The following MAML2 variants were observed in gnomAD, a reference collection of about 807,000 sequenced individuals.
The protein encoded by MAML2 is mastermind-like protein 2.
Under a neutral mutation model 96.1 loss-of-function variants are expected in MAML2, and 22 were observed. The observed-to-expected ratio is 0.23, with a 90% CI of 0.16 to 0.33. The LOEUF (loss-of-function observed/expected upper bound fraction) is 0.33, where lower values mean the gene tolerates loss of function less well. MAML2 is among the 10% of genes least tolerant of loss of function. MAML2 has a pLI of 1.00. For missense variants in MAML2, 1,367 were observed against 1,392.4 expected, an observed-to-expected ratio of 0.98 and a Z score of 0.29; for synonymous variants, 561 against 521.3, an observed-to-expected ratio of 1.08 and a Z score of -1.04.
intron 1 of MAML2, among the ~76,000 whole-genome samples, chr11:96,183,026 C>T (rs912809236): frequency 4.1e-5 from 6 of 146,488 alleles, no homozygotes; most frequent in Non-Finnish European, 7.4e-5. Context: ...GGCATGATCT[C>T]AGCTCACTGC....
chr11:95,999,818 T>C (rs1011598676), intron 2 of MAML2, among the ~76,000 whole-genome samples: 3 of 152,130 alleles, frequency 2.0e-5, no homozygotes, highest in African/African-American at 7.2e-5. Flanking sequence ...CAAGATAAAA[T>C]ACCCAGCTGG....
At chr11:96,340,297 G>A (rs536868798) in intron 1 of MAML2, among the ~76,000 whole-genome samples, 4 of 152,208 alleles carry the variant, frequency 2.6e-5, no homozygotes, top group African/African-American at 4.8e-5. Flanking sequence ...ATTTCCTGTC[G>A]CTTTTGCTAG....
intron 1 of MAML2, among the ~76,000 whole-genome samples, chr11:96,230,706 A>C (rs1041928486): frequency 2.0e-5 from 3 of 152,218 alleles, no homozygotes; most frequent in Non-Finnish European, 4.4e-5. Flanking sequence ...ATAGAGTCCC[A>C]ACGTTCTCTG....
intron 1 of MAML2, among the ~76,000 whole-genome samples, chr11:96,111,167 ACAT>A (rs1194833152): frequency 1.3e-5 from 2 of 152,226 alleles, no homozygotes; most frequent in African/African-American, 2.4e-5. Flanking sequence ...TAGTAAGCAC[ACAT>A]CATTTTATTT....
chr11:96,150,033 A>G (rs1860894955), intron 1 of MAML2, among the ~76,000 whole-genome samples: 1 of 152,216 alleles, frequency 6.6e-6, no homozygotes, highest in South Asian at 2.1e-4. Flanking sequence ...TACTTGTTGG[A>G]TATCTTCGCC....
In MAML2 at chr11:96,050,872, C is replaced by T. The variant is rs115743841; in HGVS notation, c.2139+41020G>A. ...AGTGTGGATCTCATCATTTGGCACC[C>T]GAGCTTCCATGGCTCTAATTGCAGA... On this transcript the variant is annotated intron_variant, in intron 2 of 4. Transcript: ENST00000524717. Among the ~76,000 whole-genome samples the T allele has an allele frequency of 7.0e-3, 1,023 of 147,046 alleles. 15 individuals carry two copies. The highest frequency in any genetic ancestry group is 0.024 in the African/African-American group (954 of 39,870).
At chr11:96,203,984 G>A (rs1448829946) in intron 1 of MAML2, among the ~76,000 whole-genome samples, 1 of 152,176 alleles carries the variant, frequency 6.6e-6, no homozygotes, top group African/African-American at 2.4e-5. Flanking sequence ...TAATTATCCA[G>A]GTGTAAATAG....
chr11:96,089,269 G>A (rs1859667599), intron 2 of MAML2, among the ~76,000 whole-genome samples: 1 of 152,110 alleles, frequency 6.6e-6, no homozygotes, highest in Non-Finnish European at 1.5e-5. Context: ...CCAACACACT[G>A]GATGAGACAA....
intron 1 of MAML2, among the ~76,000 whole-genome samples, chr11:96,287,973 G>T (rs990313283): frequency 2.0e-5 from 3 of 152,090 alleles, no homozygotes; most frequent in Non-Finnish European, 4.4e-5. Context: ...ATCCCAAAAG[G>T]GCCCTACATA....
intron 2 of MAML2, among the ~76,000 whole-genome samples, chr11:96,067,779 C>T (rs1859267984): frequency 6.6e-6 from 1 of 152,182 alleles, no homozygotes; most frequent in Non-Finnish European, 1.5e-5. Flanking sequence ...CTCTCTTGCT[C>T]TAATTTTCAT....
chr11:96,186,863 C>T lies in MAML2; in HGVS notation c.514-93346G>A, dbSNP rs546886768. Among the ~76,000 whole-genome samples the T allele has an allele frequency of 2.0e-5, 3 of 152,298 alleles. No individual in the cohort carries two copies. The South Asian group carries it at 6.2e-4, about 32-fold the overall frequency. ...TTAACAACTATTAGCCAGTGTATCT[C>T]ATAGAGAGAAGCTTTTTACACAGAG... is the stretch of plus-strand genomic sequence containing the variant. On this transcript the variant is annotated intron_variant, in intron 1 of 4. Coordinates refer to ENST00000524717, the MANE Select transcript of MAML2 (RefSeq NM_032427.4).
At chr11:96,136,045 C>T (rs2135860886) in intron 1 of MAML2, among the ~76,000 whole-genome samples, 1 of 152,044 alleles carries the variant, frequency 6.6e-6, no homozygotes, top group African/African-American at 2.4e-5. Flanking sequence ...CACTGAGGTG[C>T]CAGTGAACTC....
At chr11:96,022,862 A>T (rs1051436180) in intron 2 of MAML2, among the ~76,000 whole-genome samples, 1 of 152,198 alleles carries the variant, frequency 6.6e-6, no homozygotes, top group African/African-American at 2.4e-5. Context: ...GACAATGAGG[A>T]TGTTTGGAAC....
At chr11:96,254,847 G>A (rs555648060) in intron 1 of MAML2, among the ~76,000 whole-genome samples, 3 of 152,078 alleles carry the variant, frequency 2.0e-5, no homozygotes, top group African/African-American at 7.2e-5. Flanking sequence ...TTGAGACAGG[G>A]TCTCACTGTG....
intron 1 of MAML2, among the ~76,000 whole-genome samples, chr11:96,251,877 G>A (rs1312518425): frequency 5.3e-5 from 8 of 151,958 alleles, no homozygotes; most frequent in East Asian, 1.9e-4. Context: ...GACTACAGGC[G>A]CCGGCCACCA....
chr11:96,287,649 CGACA>C (rs2135989879), intron 1 of MAML2, among the ~76,000 whole-genome samples: 1 of 152,156 alleles, frequency 6.6e-6, no homozygotes, highest in Non-Finnish European at 1.5e-5. Flanking sequence ...ATCATGGTCC[CGACA>C]GACAATCTAG....
At chr11:96,188,917 A>G (rs185466285) in intron 1 of MAML2, among the ~76,000 whole-genome samples, 1 of 152,180 alleles carries the variant, frequency 6.6e-6, no homozygotes, top group Non-Finnish European at 1.5e-5. Flanking sequence ...ATTAAAAAAA[A>G]AATTCTGCTA....
chr11:95,983,427 A>G (rs985802436), intron 4 of MAML2, among the ~76,000 whole-genome samples: 1 of 152,172 alleles, frequency 6.6e-6, no homozygotes, highest in Admixed American at 6.5e-5. Context: ...AAAGCTAGAC[A>G]GAAGATGGTT....
chr11:96,135,347 G>A (rs1359920550), intron 1 of MAML2, among the ~76,000 whole-genome samples: 3 of 152,068 alleles, frequency 2.0e-5, no homozygotes, highest in Admixed American at 1.3e-4. Context: ...CCCAGTCTCA[G>A]GTATTCTGTT....
Sources: allele counts gnomAD v4.1 joint callset (sites outside exome capture counted in the v4.1 genomes callset), GRCh38; gene constraint gnomAD v4.1.1; transcripts MANE v1.5; gene names NCBI Gene and HGNC (gene_info 2026-07-23, HGNC 2026-07-21).